The following HDHD5 variants were observed in gnomAD, a reference collection of about 807,000 sequenced individuals.
HDHD5 encodes haloacid dehalogenase like hydrolase domain containing 5.
Under a neutral mutation model 35.5 loss-of-function variants are expected in HDHD5, and 34 were observed. The ratio of observed to expected loss-of-function variants is 0.96; its 90% CI spans 0.73 to 1.28. HDHD5 has a LOEUF of 1.28. Among genes scored for constraint, HDHD5 ranks in the 50% most tolerant of loss-of-function variants. The probability of loss-of-function intolerance (pLI) is 0.00; values close to 1 mark genes in which losing one functional copy is unlikely to be tolerated. For synonymous variants in HDHD5, 248 were observed against 240.6 expected (o/e 1.03, Z -0.29); for missense variants, 589 against 560.2 (o/e 1.05, Z -0.52).
rs185764780 is a variant in HDHD5 at position 17,141,411 on chromosome 22, C to A, written c.572-178G>T. On this transcript the variant is annotated intron_variant, in intron 5 of 7. Transcript: ENST00000336737. ...CCCTTACCCATCCACCCTGGGTGCACAAGGCCCAGGGCCCAGGAAGGAGAT... is the reference window on the plus strand; with the variant it reads ...CCCTTACCCATCCACCCTGGGTGCAAAAGGCCCAGGGCCCAGGAAGGAGAT... The A allele has an allele frequency of 4.5e-5, 61 of 1,370,450 alleles. No homozygotes were observed. The Middle Eastern group carries it at 5.6e-4, about 12-fold the overall frequency. The allele number at this position is 1,370,450 out of a possible 1,614,324, so 84.9% of individuals were successfully genotyped here.
In HDHD5 at chr22:17,139,245, C is replaced by T. The variant is rs141883999; in HGVS notation, c.747-507G>A. On this transcript the variant is annotated intron_variant, in intron 6 of 7. Coordinates refer to ENST00000336737, the MANE Select transcript of HDHD5 (RefSeq NM_033070.3). ...AAGCATCCTTAAAATTGGGGACAGG[C>T]GGCCAGGCGCAGTGGCTCATGCCTG... Among the ~76,000 whole-genome samples, 23 of 152,272 alleles carry T rather than the reference C, an allele frequency of 1.5e-4. No homozygotes were observed. In the East Asian group the frequency reaches 3.1e-3, roughly 21 times the overall value.
intron 1 of HDHD5, among the ~76,000 whole-genome samples, chr22:17,150,157 T>C (rs572859607): frequency 4.7e-4 from 72 of 152,304 alleles, no homozygotes; most frequent in Admixed American, 1.2e-3. Flanking sequence ...GTTCCCCTTT[T>C]TTCTCTATTC....
rs1356879119 is a variant in HDHD5, at chr22:17,143,067, C to T, written c.571+31G>A. The T allele has an allele frequency of 5.0e-6, 8 of 1,607,762 alleles. No individual in the cohort carries two copies. The African/African-American group carries it at 8.0e-5, about 16-fold the overall frequency. On this transcript the variant is annotated intron_variant, in intron 5 of 7. Coordinates refer to ENST00000336737, the MANE Select transcript of HDHD5 (RefSeq NM_033070.3). ...GCCAGAGAGGAGACGGAGAAAAGAC[C>T]TCACAACTCATCAAAGAGGACCTCT...
chr22:17,147,365 G>A (rs1284692314), intron 3 of HDHD5, among the ~76,000 whole-genome samples: 2 of 109,774 alleles, frequency 1.8e-5, no homozygotes, highest in Non-Finnish European at 3.7e-5. Flanking sequence ...GCGCACTCCT[G>A]TGAGCTTACC....
In HDHD5 at chr22:17,138,681, G is replaced by GC; in HGVS notation, c.803dup (p.Lys269GlnfsTer45). On this transcript the variant is annotated frameshift_variant, in exon 7 of 8. Transcript: ENST00000336737. LOFTEE classifies it high-confidence loss of function. Reference sequence around the variant, plus strand: ...TCAGGCCCTCGTATCTCAGCTCCTTGCCCGTCACTTTCTGGTAAATGGTTT... The same window carrying GC: ...TCAGGCCCTCGTATCTCAGCTCCTTGCCCCGTCACTTTCTGGTAAATGGTTT... The GC allele has an allele frequency of 6.2e-7, 1 of 1,614,190 alleles. No homozygotes were observed. The highest frequency in any genetic ancestry group is 8.5e-7 in the Non-Finnish European group (1 of 1,180,044).
chr22:17,159,283 G>T, upstream of HDHD5: 3 of 1,228,348 alleles, frequency 2.4e-6, no homozygotes, highest in Non-Finnish European at 3.0e-6. Flanking sequence ...TGCACGGCGT[G>T]CGGCCCCCCC....
Position 17,157,160 on chromosome 22 carries a change from G to A in HDHD5, c.126+1966C>T, listed in dbSNP as rs369482183. 2.1e-4 allele frequency among the ~76,000 whole-genome samples: 32 copies of A among 150,904 alleles called. No individual in the cohort carries two copies. The East Asian group carries it at 5.4e-3, about 26-fold the overall frequency. ...AATGATATAAATGAAGATATATTTA[G>A]TACAGCTGTACAATGTGTTGTGTTT... On this transcript the variant is annotated intron_variant, in intron 1 of 7. Transcript: ENST00000336737.
rs916146344 is a variant in HDHD5, at chr22:17,153,932, C to T, written c.127-4187G>A. On this transcript the variant is annotated intron_variant, in intron 1 of 7. Transcript: ENST00000336737. ...TTTTTGTGGCGTGATCTTGGCTCAC[C>T]GCAACCTCCATCACCTGGGCTCAAG... Among the ~76,000 whole-genome samples the T allele has an allele frequency of 6.6e-5, 10 of 152,086 alleles. No individual in the cohort carries two copies. In the East Asian group the frequency reaches 9.8e-4, roughly 15 times the overall value.
At chr22:17,150,852 T>C (rs1240816742) in intron 1 of HDHD5, among the ~76,000 whole-genome samples, 1 of 152,208 alleles carries the variant, frequency 6.6e-6, no homozygotes, top group African/African-American at 2.4e-5. Context: ...ATAGCTCTAT[T>C]TCCTAAACAT....
At position 17,145,958 on chromosome 22, in the gene HDHD5, C is replaced by T. The variant is rs1284573805; in HGVS notation, c.444-841G>A. Reference sequence around the variant, plus strand: ...CTAAGATCTGCCTCCATTTTCCTATCCTCAATTCCAACTTGCAATCTTAAC... The same window carrying T: ...CTAAGATCTGCCTCCATTTTCCTATTCTCAATTCCAACTTGCAATCTTAAC... On this transcript the variant is annotated intron_variant, in intron 3 of 7. Coordinates refer to ENST00000336737, the MANE Select transcript of HDHD5 (RefSeq NM_033070.3). 5.3e-5 allele frequency among the ~76,000 whole-genome samples: 8 copies of T among 152,104 alleles called. No homozygotes were observed. In the East Asian group the frequency reaches 1.5e-3, roughly 29 times the overall value.
chr22:17,142,349 A>G (rs1380011451), intron 5 of HDHD5: 1 of 152,282 alleles, frequency 6.6e-6, no homozygotes, highest in Non-Finnish European at 1.5e-5. Context: ...ATACAATCAC[A>G]AAGCATTTTT....
intron 1 of HDHD5, among the ~76,000 whole-genome samples, chr22:17,151,685 G>A (rs1235881862): frequency 6.8e-6 from 1 of 147,882 alleles, no homozygotes; most frequent in African/African-American, 2.5e-5. Flanking sequence ...AGCCGGGATC[G>A]TGCCACTGCA....
Position 17,141,129 on chromosome 22 carries a change from G to C in HDHD5, c.676C>G (p.Pro226Ala), listed in dbSNP as rs542436157. 9 of 1,596,306 alleles carry C rather than the reference G, an allele frequency of 5.6e-6. No homozygotes were observed. In the Admixed American group the frequency reaches 1.4e-4, roughly 25 times the overall value. Reference sequence around the variant, plus strand: ...GCTAGGACGGGGAGGTGGGGGTAGGGGGGTGTTGCCAGGCCAGCCCCAGGG... The same window carrying C: ...GCTAGGACGGGGAGGTGGGGGTAGGCGGGTGTTGCCAGGCCAGCCCCAGGG... ...GSPGAGLATP[P>A]YPHLPVLASN... The change falls in exon 6 of 8, where the codon CCC (proline) becomes GCC (alanine). Residue 226 changes from proline to alanine, a missense_variant. Physicochemically the swap from Pro to Ala is conservative, Grantham distance 27. Coordinates refer to ENST00000336737, the MANE Select transcript of HDHD5 (RefSeq NM_033070.3).
At position 17,158,946 on chromosome 22, in the gene HDHD5, G is replaced by C. The variant is rs935752602; in HGVS notation, c.126+180C>G. The C allele has an allele frequency of 1.4e-5, 7 of 490,942 alleles. No homozygotes were observed. In the African/African-American group the frequency reaches 1.4e-4, roughly 10 times the overall value. 30.4% of individuals were successfully genotyped at this position (490,942 alleles called of 1,614,324 possible). A position where few individuals can be genotyped will look rare whatever the true frequency, so the allele number is the denominator to read the frequency against. ...CGTTTCCGAGGCCGCCAGCGAGTCA[G>C]AGGAAGGCAGGGCGCATCCGCCCTC... On this transcript the variant is annotated intron_variant, in intron 1 of 7. Transcript: ENST00000336737.
rs78272350 is a variant in HDHD5, at chr22:17,139,601, C to A, written c.747-863G>T. ...TGCCCTCCCCAACTCCTTCTTGACA[C>A]CTGGAATGCTGATATGATGGCTGGC... On this transcript the variant is annotated intron_variant, in intron 6 of 7. Transcript: ENST00000336737. 0.011 allele frequency among the ~76,000 whole-genome samples: 1,658 copies of A among 152,160 alleles called. 97 individuals are homozygous for A. In the East Asian group the frequency reaches 0.13, roughly 12 times the overall value.
At chr22:17,162,027 T>C (rs2061866488), upstream of HDHD5, among the ~76,000 whole-genome samples, 1 of 152,204 alleles carries the variant, frequency 6.6e-6, no homozygotes, top group Admixed American at 6.6e-5. Context: ...ATACTGTGAC[T>C]TCCACCTTGC....
chr22:17,151,200 ATC>A (rs1340153651), intron 1 of HDHD5, among the ~76,000 whole-genome samples: 3 of 152,382 alleles, frequency 2.0e-5, no homozygotes, highest in Admixed American at 6.5e-5. Flanking sequence ...TAAAAAAATT[ATC>A]TCTTTTCTAT....
In HDHD5 at chr22:17,141,241, G is replaced by A; in HGVS notation, c.572-8C>T. The A allele has an allele frequency of 1.3e-6, 2 of 1,586,422 alleles. No homozygotes were observed. The highest frequency in any genetic ancestry group is 1.7e-6 in the Non-Finnish European group (2 of 1,168,984). The stretch of plus-strand genomic sequence containing the variant: ...CCCCTAGGAGGAGCACCCCTTTAAA[G>A]AACAGAGGCGCAGGTGAGGGCTGCA... On this transcript the variant is annotated splice_region_variant and splice_polypyrimidine_tract_variant and intron_variant, in intron 5 of 7. Coordinates refer to ENST00000336737, the MANE Select transcript of HDHD5 (RefSeq NM_033070.3).
intron 1 of HDHD5, among the ~76,000 whole-genome samples, chr22:17,152,094 G>A (rs1310700206): frequency 2.6e-5 from 4 of 152,276 alleles, no homozygotes; most frequent in African/African-American, 9.6e-5. Context: ...ACAGTCTACA[G>A]GGAGCCTTGC....
Sources: gnomAD v4.1 joint callset for allele counts (sites outside exome capture counted in the v4.1 genomes callset) on GRCh38, gnomAD v4.1.1 for gene constraint, MANE v1.5 for transcripts, NCBI Gene and HGNC (gene_info 2026-07-23, HGNC 2026-07-21) for gene names.